FBXO34: variants seen among roughly 807,000 people sequenced by gnomAD.
FBXO34 encodes F-box protein 34, also known as F-box only protein 34.
In FBXO34, 12 loss-of-function variants were observed where a neutral mutation model predicts 24.5. The observed-to-expected ratio is 0.49, with a 90% confidence interval of 0.31 to 0.79. The LOEUF is 0.79. Ranked by LOEUF, FBXO34 falls within the 30% of genes least tolerant of loss-of-function variation. FBXO34 has a pLI of 0.04. For synonymous variants in FBXO34, 320 were observed against 311.9 expected, an observed-to-expected ratio of 1.03 and a Z score of -0.27; for missense variants, 823 against 857.7, an observed-to-expected ratio of 0.96 and a Z score of 0.51.
the FBXO34 span, among the ~76,000 whole-genome samples, chr14:55,384,259 G>C: frequency 6.6e-6 from 1 of 152,208 alleles, no homozygotes; most frequent in Non-Finnish European, 1.5e-5. Flanking sequence ...CCTCGTGTGT[G>C]TATTTTCTTT....
chr14:55,393,347 T>C, the FBXO34 span, among the ~76,000 whole-genome samples: 62 of 151,298 alleles, frequency 4.1e-4, no homozygotes, highest in African/African-American at 1.5e-3. Flanking sequence ...ATCGCGCCAC[T>C]GCACTCCAGC....
At chr14:55,379,262 G>A in the FBXO34 span, among the ~76,000 whole-genome samples, 4 of 152,168 alleles carry the variant, frequency 2.6e-5, no homozygotes, top group Non-Finnish European at 4.4e-5. Context: ...ATGGCCGGGT[G>A]CAGTGGTTCA....
At chr14:55,301,495 G>A (rs1024748870) in intron 1 of FBXO34, among the ~76,000 whole-genome samples, 1 of 151,938 alleles carries the variant, frequency 6.6e-6, no homozygotes, top group African/African-American at 2.4e-5. Flanking sequence ...AGCATTGTTA[G>A]GTTTATTTTC....
At chr14:55,397,455 G>A in the FBXO34 span, 3 of 1,591,900 alleles carry the variant, frequency 1.9e-6, no homozygotes, top group African/African-American at 2.7e-5. Context: ...AAAATTCAAT[G>A]TCTTATTTAA....
the FBXO34 span, among the ~76,000 whole-genome samples, chr14:55,407,109 G>A: frequency 2.6e-5 from 4 of 152,034 alleles, no homozygotes; most frequent in African/African-American, 7.2e-5. Flanking sequence ...TTACAGGCCT[G>A]CAACACAACA....
At chr14:55,435,918 C>G in the FBXO34 span, 2 of 1,575,230 alleles carry the variant, frequency 1.3e-6, no homozygotes, top group Non-Finnish European at 1.7e-6. Context: ...GCCAGGTTTA[C>G]AGTGGAAACT....
chr14:55,418,564 C>T, the FBXO34 span, among the ~76,000 whole-genome samples: 1 of 152,170 alleles, frequency 6.6e-6, no homozygotes, highest in African/African-American at 2.4e-5. Context: ...TTGGGAGGCA[C>T]ATCCTGTCGT....
downstream of FBXO34, chr14:55,369,612 A>G: frequency 1.3e-6 from 2 of 1,502,810 alleles, no homozygotes; most frequent in Non-Finnish European, 1.8e-6. Flanking sequence ...GTTTTGGTCC[A>G]TGCTCGTTAA....
chr14:55,392,650 A>C, the FBXO34 span, among the ~76,000 whole-genome samples: 4 of 143,948 alleles, frequency 2.8e-5, no homozygotes, highest in Non-Finnish European at 6.1e-5. Flanking sequence ...CTCCACCTCA[A>C]AAAAAAAAAA....
chr14:55,309,403 C>T (rs1386612741), intron 1 of FBXO34, among the ~76,000 whole-genome samples: 4 of 152,188 alleles, frequency 2.6e-5, no homozygotes, highest in Middle Eastern at 6.8e-3. Context: ...ACTGAGCAAG[C>T]TAGATAGAGC....
the FBXO34 span, chr14:55,436,003 T>C: frequency 2.1e-4 from 210 of 996,100 alleles, 2 homozygotes; most frequent in Non-Finnish European, 3.0e-4. Flanking sequence ...AGACAACTTA[T>C]TTTCTCATTT....
chr14:55,391,049 T>C, the FBXO34 span: 5,595 of 1,168,478 alleles, frequency 4.8e-3, 27 homozygotes, highest in Non-Finnish European at 5.6e-3. Flanking sequence ...TTAATATGAT[T>C]ATCTACCTGG....
At chr14:55,397,527 G>A in the FBXO34 span, 1 of 1,002,700 alleles carries the variant, frequency 1.0e-6, no homozygotes, top group Admixed American at 2.0e-5. Context: ...ATTCTGCAGA[G>A]TCATGTGAAA....
intron 3 of FBXO34, among the ~76,000 whole-genome samples, chr14:55,359,202 TC>T (rs1051934108): frequency 9.2e-5 from 14 of 151,996 alleles, no homozygotes; most frequent in Admixed American, 2.6e-4. Flanking sequence ...AGAACAAGCC[TC>T]CCCCCAGCTC....
chr14:55,299,081 GTC>G, intron 1 of FBXO34: 4 of 1,466,104 alleles, frequency 2.7e-6, no homozygotes, highest in Middle Eastern at 3.6e-4. Flanking sequence ...TTGGAGAAAA[GTC>G]TGACGAGGAT....
rs74437254 is a variant in FBXO34, at chr14:55,320,037, A to C, written c.-10-30344A>C. ...CAACTGTTAAATCACCTTGAAAGGC[A>C]TATTTAACAAATCACCTTAAGTGAA... On this transcript the variant is annotated intron_variant, in intron 1 of 1. Transcript: ENST00000313833. Among the ~76,000 whole-genome samples, 1,448 of 152,262 alleles carry C rather than the reference A, an allele frequency of 9.5e-3. 29 individuals carry two copies. The highest frequency in any genetic ancestry group is 0.033 in the African/African-American group (1,389 of 41,546).
chr14:55,402,959 AT>A, the FBXO34 span, among the ~76,000 whole-genome samples: 89 of 76,808 alleles, frequency 1.2e-3, 1 homozygote, highest in Non-Finnish European at 1.7e-3. Flanking sequence ...ATATATATAT[AT>A]ATATATATAA....
chr14:55,311,581 A>C (rs1377458991), intron 1 of FBXO34, among the ~76,000 whole-genome samples: 2 of 152,192 alleles, frequency 1.3e-5, no homozygotes, highest in African/African-American at 4.8e-5. Flanking sequence ...AAAGCAAGTT[A>C]GTTACTTCCA....
At chr14:55,420,460 T>C in the FBXO34 span, among the ~76,000 whole-genome samples, 3 of 152,378 alleles carry the variant, frequency 2.0e-5, no homozygotes, top group South Asian at 2.1e-4. Context: ...TGCGTAGCTC[T>C]AGGCTAAATA....
Sources: allele counts gnomAD v4.1 joint callset (sites outside exome capture counted in the v4.1 genomes callset), GRCh38; gene constraint gnomAD v4.1.1; transcripts MANE v1.5; gene names NCBI Gene and HGNC (gene_info 2026-07-23, HGNC 2026-07-21).